The following GTPBP1 variants were observed in gnomAD, a reference collection of about 807,000 sequenced individuals.
The protein encoded by GTPBP1 is GTP binding protein 1, also known as GTP-binding protein 1.
In GTPBP1, 23 loss-of-function variants were observed where a neutral mutation model predicts 62.0. The observed-to-expected ratio is 0.37, with a 90% CI of 0.27 to 0.53. The LOEUF is 0.53. Among genes scored for constraint, GTPBP1 ranks in the 20% least tolerant of loss-of-function variants. The pLI is 0.89. For missense variants in GTPBP1, 640 were observed against 917.3 expected, an observed-to-expected ratio of 0.70 and a Z score of 3.90; for synonymous variants, 344 against 364.4, an observed-to-expected ratio of 0.94 and a Z score of 0.64.
Position 38,732,573 on chromosome 22 carries a change from A to G in GTPBP1, c.*1869A>G, listed in dbSNP as rs1368921957. 6.6e-6 allele frequency: 1 copy of G among 152,308 alleles called. No homozygotes were observed. Among genetic ancestry groups the G allele is most frequent in the Admixed American group, 6.5e-5 (1 of 15,286 alleles). The allele number at this position is 152,308 out of a possible 1,614,324, so 9.4% of individuals were successfully genotyped here. A position where few individuals can be genotyped will look rare whatever the true frequency, so the allele number is the denominator to read the frequency against. On this transcript the variant is annotated 3_prime_UTR_variant, in exon 12 of 12. Transcript: ENST00000216044. Reference sequence around the variant, plus strand: ...CTCAGTGAGCGGTCTGCACACCGTTAGCCACCCTGCCACCTCTGTGCCCTG... The same window carrying G: ...CTCAGTGAGCGGTCTGCACACCGTTGGCCACCCTGCCACCTCTGTGCCCTG...
intron 2 of GTPBP1, among the ~76,000 whole-genome samples, chr22:38,710,880 CCCCACCCATGGCAATTAA>C (rs1223319522): frequency 1.3e-5 from 2 of 152,250 alleles, no homozygotes; most frequent in Non-Finnish European, 1.5e-5. Flanking sequence ...ACAACTCACA[CCCCACCCATGGCAATTAA>C]CCCACCCATG....
Position 38,730,527 on chromosome 22 carries a change from C to A in GTPBP1, c.1918-85C>A. On this transcript the variant is annotated intron_variant, in intron 11 of 11. Transcript: ENST00000216044. The surrounding 1 kb of genome is among the most constrained non-coding windows in gnomAD (Gnocchi z 5.6). ...CAGCCTGCTCACGCATCTTCCGTCCCTGTCTCCCCGCTGCTCAGCACCTCT... is the reference window on the plus strand; with the variant it reads ...CAGCCTGCTCACGCATCTTCCGTCCATGTCTCCCCGCTGCTCAGCACCTCT... The A allele has an allele frequency of 1.1e-6, 1 of 935,092 alleles. No individual in the cohort carries two copies. The highest frequency in any genetic ancestry group is 1.3e-5 in the South Asian group (1 of 75,086). 57.9% of individuals were successfully genotyped at this position (935,092 alleles called of 1,614,324 possible).
downstream of GTPBP1, chr22:38,736,425 G>T: frequency 6.6e-7 from 1 of 1,513,472 alleles, no homozygotes; most frequent in Non-Finnish European, 9.0e-7. Flanking sequence ...GACCTGTGAG[G>T]CCTCACTGAC....
chr22:38,729,935 G>A lies in GTPBP1; in HGVS notation c.1917+273G>A, dbSNP rs538954497. Among the ~76,000 whole-genome samples, 12 of 152,314 alleles carry A rather than the reference G, an allele frequency of 7.9e-5. No homozygotes were observed. In the South Asian group the frequency reaches 1.4e-3, roughly 18 times the overall value. On this transcript the variant is annotated intron_variant, in intron 11 of 11. Coordinates refer to ENST00000216044, the MANE Select transcript of GTPBP1 (RefSeq NM_004286.5). ...AAATAAAATAGAACAGAAAAATGTC[G>A]AAGCTTCCCTTTCATAGTAAGATTA...
chr22:38,720,547 T>A (rs2092694555), intron 4 of GTPBP1, among the ~76,000 whole-genome samples: 2 of 152,194 alleles, frequency 1.3e-5, no homozygotes, highest in African/African-American at 4.8e-5. Flanking sequence ...CACCTCTTTT[T>A]ATGATAGCAT....
rs1430398385 is a variant in GTPBP1 at position 38,721,826 on chromosome 22, G to A, written c.919G>A (p.Val307Ile). Residue 307 changes from valine (V) to isoleucine (I), a missense_variant, in exon 5 of 12, where the codon GTC (valine) becomes ATC (isoleucine). Val to Ile is a conservative substitution (Grantham distance 29). Around this residue, in one of 4 missense-constraint regions of GTPBP1, gnomAD observed 88 missense variants for 217.0 expected, o/e 0.41. Coordinates refer to ENST00000216044, the MANE Select transcript of GTPBP1 (RefSeq NM_004286.5). ...LALNVPVFVV[V>I]TKIDMCPANI... is the part of the protein sequence containing the mutation. ...ACTCAATGTACCTGTCTTTGTGGTA[G>A]TCACCAAGATTGACATGTGTCCTGC... The A allele has an allele frequency of 6.2e-7, 1 of 1,610,800 alleles. No homozygotes were observed. Among genetic ancestry groups the A allele is most frequent in the South Asian group, 1.1e-5 (1 of 90,858 alleles).
At position 38,730,247 on chromosome 22, in the gene GTPBP1, T is replaced by A. The variant is rs2033399487; in HGVS notation, c.1918-365T>A. Among the ~76,000 whole-genome samples the A allele has an allele frequency of 2.0e-5, 3 of 152,228 alleles. No homozygotes were observed. The highest frequency in any genetic ancestry group is 1.3e-4 in the Admixed American group (2 of 15,286). On this transcript the variant is annotated intron_variant, in intron 11 of 11. Coordinates refer to ENST00000216044, the MANE Select transcript of GTPBP1 (RefSeq NM_004286.5). This position sits in a 1 kb window ranked among gnomAD's most constrained non-coding sequence, Gnocchi z 5.6. ...TTGTCCCCTCATTGGAAAAGGAGGC[T>A]ATGCCTGGATCTGTCTGTCCATTCT...
At chr22:38,713,801 A>G (rs1050611713) in intron 2 of GTPBP1, among the ~76,000 whole-genome samples, 1 of 152,240 alleles carries the variant, frequency 6.6e-6, no homozygotes, top group Non-Finnish European at 1.5e-5. Context: ...GCTGTTGTTT[A>G]AAAGAGGGTT....
Position 38,731,020 on chromosome 22 carries a change from G to A in GTPBP1, c.*316G>A. On this transcript the variant is annotated 3_prime_UTR_variant, in exon 12 of 12. Transcript: ENST00000216044. ...CTCTGTCTCTCTCTATTGTGTGTGT[G>A]TGTGTGTGTGTGTGTGTGTGTGTGT... 1 of 211,096 alleles carries A rather than the reference G, an allele frequency of 4.7e-6. No homozygotes were observed. The highest frequency in any genetic ancestry group is 8.7e-6 in the Non-Finnish European group (1 of 115,432). The allele number at this position is 211,096 out of a possible 1,614,324, so 13.1% of individuals were successfully genotyped here.
At chr22:38,735,955 C>A, downstream of GTPBP1, 1 of 261,926 alleles carries the variant, frequency 3.8e-6, no homozygotes, top group Non-Finnish European at 7.9e-6. Flanking sequence ...CTGACCCCAG[C>A]CAAGACCAGT....
chr22:38,719,992 G>C (rs568074301), intron 4 of GTPBP1, among the ~76,000 whole-genome samples: 1 of 145,456 alleles, frequency 6.9e-6, no homozygotes, highest in Admixed American at 6.9e-5. Context: ...GCAGTGGCGC[G>C]ATCTCAGCTC....
chr22:38,736,182 G>C (rs773401691), downstream of GTPBP1: 1 of 1,298,540 alleles, frequency 7.7e-7, no homozygotes, highest in Non-Finnish European at 1.1e-6. Context: ...CTAGAAGTCA[G>C]AGCGCCGAGC....
At chr22:38,721,975 T>C (rs2092702951) in intron 5 of GTPBP1, 110 bp downstream of exon 5, 1 of 596,506 alleles carries the variant, frequency 1.7e-6, no homozygotes, top group Non-Finnish European at 2.6e-6. Context: ...TTTTCTTTTT[T>C]ATTTTTATTT....
At chr22:38,722,574 T>C (rs1465773897) in intron 5 of GTPBP1, among the ~76,000 whole-genome samples, 1 of 152,234 alleles carries the variant, frequency 6.6e-6, no homozygotes, top group Admixed American at 6.5e-5. Context: ...TTCCTTATAC[T>C]AGCAACTAAC....
intron 1 of GTPBP1, among the ~76,000 whole-genome samples, chr22:38,708,056 A>T (rs945531149): frequency 6.6e-6 from 1 of 152,204 alleles, no homozygotes; most frequent in Non-Finnish European, 1.5e-5. Flanking sequence ...TGAGCTGTGG[A>T]CTAGATGCTT....
intron 2 of GTPBP1, 46 bp from the exon 3 acceptor site, chr22:38,715,861 T>C: frequency 6.6e-7 from 1 of 1,513,972 alleles, no homozygotes; most frequent in Non-Finnish European, 9.0e-7. Flanking sequence ...GCAGGCTGGT[T>C]GGTCAGGACT....
At chr22:38,723,292 A>G (rs539930718) in intron 5 of GTPBP1, 1 of 880,882 alleles carries the variant, frequency 1.1e-6, no homozygotes, top group East Asian at 2.4e-5. Context: ...TACCCTTAAA[A>G]TAGGGTGCAT....
At chr22:38,708,806 T>C (rs748950854) in intron 1 of GTPBP1, 39 bp from the exon 2 acceptor site, 7 of 1,123,378 alleles carry the variant, frequency 6.2e-6, no homozygotes, top group Admixed American at 3.4e-5. Context: ...GGTGCTCTTC[T>C]AGCAAGTGTG....
chr22:38,728,370 T>G, intron 10 of GTPBP1: 1 of 561,878 alleles, frequency 1.8e-6, no homozygotes. Flanking sequence ...GAGGAGAAGG[T>G]AGGGTTAGGG....
Sources: allele counts gnomAD v4.1 joint callset (sites outside exome capture counted in the v4.1 genomes callset), GRCh38; gene constraint gnomAD v4.1.1; regional missense constraint gnomAD v4.1.1; non-coding constraint Gnocchi (gnomAD v3.1); transcripts MANE v1.5; gene names NCBI Gene and HGNC (gene_info 2026-07-23, HGNC 2026-07-21).